Variants in ROR1 observed in about 807,000 individuals in gnomAD.
ROR1 encodes the protein ROR family WNT receptor 1.
ROR1 carries 19 observed loss-of-function variants against 78.8 expected under a neutral mutation model. That is an observed-to-expected ratio of 0.24 (90% CI 0.17 to 0.35). The LOEUF (loss-of-function observed/expected upper bound fraction) is 0.35, where lower values mean the gene tolerates loss of function less well. Ranked by LOEUF, ROR1 falls within the 10% of genes least tolerant of loss-of-function variation. The pLI is 1.00. For missense variants in ROR1, 917 were observed against 1,177.8 expected, an observed-to-expected ratio of 0.78 and a Z score of 3.24; for synonymous variants, 386 against 433.6, an observed-to-expected ratio of 0.89 and a Z score of 1.36.
intron 1 of ROR1, among the ~76,000 whole-genome samples, chr1:63,934,786 A>G (rs1384509230): frequency 6.6e-6 from 1 of 152,178 alleles, no homozygotes; most frequent in Non-Finnish European, 1.5e-5. Context: ...GGGCCTGAGA[A>G]GATCCTGTAA....
intron 1 of ROR1, among the ~76,000 whole-genome samples, chr1:63,953,287 C>T (rs1028885490): frequency 6.6e-6 from 1 of 152,056 alleles, no homozygotes; most frequent in African/African-American, 2.4e-5. Flanking sequence ...ATAATAATAC[C>T]AGCAGTCCCC....
Position 63,843,118 on chromosome 1 carries a change from A to T in ROR1, c.91+68610A>T, listed in dbSNP as rs555284584. 29 of 651,664 alleles carry T rather than the reference A, an allele frequency of 4.5e-5. No homozygotes were observed. In the East Asian group the frequency reaches 9.2e-4, roughly 21 times the overall value. The allele number at this position is 651,664 out of a possible 1,614,324, so 40.4% of individuals were successfully genotyped here. ...CCCCCAGCCCCTCTGGTCTGGGAGGAAGGGGACGGCCTGCAACCCCCGAGG... is the reference window on the plus strand; with the variant it reads ...CCCCCAGCCCCTCTGGTCTGGGAGGTAGGGGACGGCCTGCAACCCCCGAGG... On this transcript the variant is annotated intron_variant, in intron 1 of 8. Transcript: ENST00000371079.
At position 63,836,180 on chromosome 1, in the gene ROR1, C is replaced by A. The variant is rs77863273; in HGVS notation, c.91+61672C>A. 9.9e-3 allele frequency among the ~76,000 whole-genome samples: 1,509 copies of A among 152,294 alleles called. 19 individuals carry two copies. The highest frequency in any genetic ancestry group is 0.035 in the African/African-American group (1,449 of 41,560). On this transcript the variant is annotated intron_variant, in intron 1 of 8. Transcript: ENST00000371079. ...GCTCAAAGTTACACAACTTGACATACAAAGTCAGGATTTGAATCCAGGTTT... is the reference window on the plus strand; with the variant it reads ...GCTCAAAGTTACACAACTTGACATAAAAAGTCAGGATTTGAATCCAGGTTT...
Position 63,774,163 on chromosome 1 carries a change from A to G in ROR1, c.-255A>G. The G allele has an allele frequency of 4.8e-6, 1 of 209,770 alleles. No individual in the cohort carries two copies. The highest frequency in any genetic ancestry group is 9.4e-6 in the Non-Finnish European group (1 of 106,226). 13.0% of individuals were successfully genotyped at this position (209,770 alleles called of 1,614,324 possible). ...ACTCACGCCCACTGGTGCGACCCGGACAGCCTGGGACTGACCCGCCGGCCC... is the reference window on the plus strand; with the variant it reads ...ACTCACGCCCACTGGTGCGACCCGGGCAGCCTGGGACTGACCCGCCGGCCC... On this transcript the variant is annotated 5_prime_UTR_variant, in exon 1 of 9. Coordinates refer to ENST00000371079, the MANE Select transcript of ROR1 (RefSeq NM_005012.4). This position sits in a 1 kb window ranked among gnomAD's most constrained non-coding sequence, Gnocchi z 5.7.
intron 1 of ROR1, among the ~76,000 whole-genome samples, chr1:63,991,076 G>A (rs1317538208): frequency 6.7e-6 from 1 of 148,862 alleles, no homozygotes; most frequent in African/African-American, 2.4e-5. Flanking sequence ...ATGACACCAT[G>A]CCAGGGTTTT....
chr1:63,798,345 A>G lies in ROR1; in HGVS notation c.91+23837A>G, dbSNP rs948585494. 1.4e-4 allele frequency among the ~76,000 whole-genome samples: 21 copies of G among 152,234 alleles called. 2 individuals carry two copies. Among genetic ancestry groups the G allele is most frequent in the Admixed American group, 1.2e-3 (18 of 15,292 alleles). On this transcript the variant is annotated intron_variant, in intron 1 of 8. Coordinates refer to ENST00000371079, the MANE Select transcript of ROR1 (RefSeq NM_005012.4). ...TTTTTTATTTTGCACTGGGCCCATC[A>G]ACTTAAGTAGGTACTCTTGGTTAGA... is the stretch of plus-strand genomic sequence containing the variant.
chr1:63,869,601 C>T (rs1360498828), intron 1 of ROR1, among the ~76,000 whole-genome samples: 1 of 152,236 alleles, frequency 6.6e-6, no homozygotes, highest in Non-Finnish European at 1.5e-5. Context: ...CCTCCATACA[C>T]ATTTTTTCCC....
At chr1:64,166,969 C>A (rs1199212066) in intron 8 of ROR1, among the ~76,000 whole-genome samples, 1 of 152,220 alleles carries the variant, frequency 6.6e-6, no homozygotes, top group Non-Finnish European at 1.5e-5. Flanking sequence ...ACTTCAATAT[C>A]TCAATAGAAT....
chr1:64,062,899 G>A (rs1484183686), intron 4 of ROR1, among the ~76,000 whole-genome samples: 2 of 152,146 alleles, frequency 1.3e-5, no homozygotes, highest in Non-Finnish European at 2.9e-5. Context: ...CGACTTTGTA[G>A]GGTAGGAAAG....
chr1:63,784,272 T>C (rs931634603), intron 1 of ROR1, among the ~76,000 whole-genome samples: 4 of 152,170 alleles, frequency 2.6e-5, no homozygotes, highest in African/African-American at 9.6e-5. Flanking sequence ...GGTCACTCTG[T>C]AGCTGTCAGG....
intron 1 of ROR1, among the ~76,000 whole-genome samples, chr1:63,970,790 T>C (rs921325409): frequency 6.6e-6 from 1 of 152,180 alleles, no homozygotes; most frequent in South Asian, 2.1e-4. Flanking sequence ...TTATTTCCAT[T>C]GTACAGATGA....
In ROR1 at chr1:63,844,406, G is replaced by A. The variant is rs141616329; in HGVS notation, c.91+69898G>A. On this transcript the variant is annotated intron_variant, in intron 1 of 8. Transcript: ENST00000371079. ...TCTTGGATGCTCCATGCATGTGTCG[G>A]CCATTGAGCTGTAAATATCTACTAA... is the stretch of plus-strand genomic sequence containing the variant. Among the ~76,000 whole-genome samples, 816 of 152,278 alleles carry A rather than the reference G, an allele frequency of 5.4e-3. 9 individuals carry two copies. Among genetic ancestry groups the A allele is most frequent in the African/African-American group, 0.019 (778 of 41,546 alleles).
chr1:63,798,805 G>A (rs1324188193), intron 1 of ROR1, among the ~76,000 whole-genome samples: 2 of 151,980 alleles, frequency 1.3e-5, no homozygotes, highest in Admixed American at 1.3e-4. Flanking sequence ...CTTCTTTACA[G>A]ATGAGGCAAC....
chr1:64,050,660 C>G, intron 3 of ROR1, 26 bp from the exon 4 acceptor site: 1 of 1,612,026 alleles, frequency 6.2e-7, no homozygotes, highest in Non-Finnish European at 8.5e-7. Flanking sequence ...CTGACTGTTT[C>G]TTTTGTTTTT....
intron 1 of ROR1, among the ~76,000 whole-genome samples, chr1:63,937,461 G>A (rs1309991070): frequency 1.3e-5 from 2 of 152,036 alleles, no homozygotes; most frequent in Non-Finnish European, 2.9e-5. Context: ...CCACTTTAGA[G>A]CGCAGACATC....
At chr1:63,951,584 G>T (rs1645936139) in intron 1 of ROR1, among the ~76,000 whole-genome samples, 1 of 152,316 alleles carries the variant, frequency 6.6e-6, no homozygotes, top group East Asian at 1.9e-4. Flanking sequence ...AAGGGAATAG[G>T]AATGTGTGTG....
chr1:63,882,936 C>T (rs1191582797), intron 1 of ROR1, among the ~76,000 whole-genome samples: 1 of 148,952 alleles, frequency 6.7e-6, no homozygotes, highest in Non-Finnish European at 1.5e-5. Flanking sequence ...TAAGGACTGT[C>T]TTCAAATATT....
intron 1 of ROR1, among the ~76,000 whole-genome samples, chr1:63,933,601 T>C (rs1384750169): frequency 6.6e-6 from 1 of 152,206 alleles, no homozygotes; most frequent in Non-Finnish European, 1.5e-5. Flanking sequence ...GATACTAACA[T>C]TTATTGAACA....
At chr1:63,940,498 C>CAGACAGACAGAT (rs1230477303) in intron 1 of ROR1, among the ~76,000 whole-genome samples, 103 of 75,212 alleles carry the variant, frequency 1.4e-3, no homozygotes, top group South Asian at 3.3e-3. Flanking sequence ...GATAGACAGA[C>CAGACAGACAGAT]AGATAGATAG....
Sources: allele counts gnomAD v4.1 joint callset (sites outside exome capture counted in the v4.1 genomes callset), GRCh38; gene constraint gnomAD v4.1.1; non-coding constraint Gnocchi (gnomAD v3.1); transcripts MANE v1.5; gene names NCBI Gene and HGNC (gene_info 2026-07-23, HGNC 2026-07-21).